SCLT1: variants seen among roughly 807,000 people sequenced by gnomAD.
SCLT1 encodes sodium channel-associated protein 1.
A neutral mutation model predicts 112.8 loss-of-function variants in SCLT1; 78 were observed. The ratio of observed to expected loss-of-function variants is 0.69; its 90% confidence interval spans 0.58 to 0.83. The LOEUF is 0.83. Ranked by LOEUF, SCLT1 falls within the 40% of genes least tolerant of loss-of-function variation. SCLT1 has a pLI of 0.00. For synonymous variants in SCLT1, 257 were observed against 254.7 expected (o/e 1.01, Z -0.09); for missense variants, 747 against 770.4 (o/e 0.97, Z 0.36).
At chr4:128,972,333 C>T (rs1189161631) in intron 9 of SCLT1, 1 of 151,460 alleles carries the variant, frequency 6.6e-6, no homozygotes, top group Non-Finnish European at 1.5e-5. Flanking sequence ...ATTGCTTGTT[C>T]TACTTGTTTC....
intron 12 of SCLT1, among the ~76,000 whole-genome samples, chr4:128,958,563 A>G (rs1739408523): frequency 6.6e-6 from 1 of 152,188 alleles, no homozygotes; most frequent in African/African-American, 2.4e-5. Flanking sequence ...TGTGCTCTAC[A>G]CAAGATGTTT....
Position 128,965,304 on chromosome 4 carries a change from C to G in SCLT1, c.792G>C (p.Val264=). The change falls in exon 11 of 21, where the codon GTG becomes GTC. Residue 264 remains valine, a synonymous_variant. Transcript: ENST00000281142. The part of the protein sequence containing the change: ...GQMKKKEKDV[V]SAHGREEASD... ...ATGCTTCCTCTCTTCCATGGGCAGACACCACATCCTTCTCCTAGAAAATAA... is the reference window on the plus strand; with the variant it reads ...ATGCTTCCTCTCTTCCATGGGCAGAGACCACATCCTTCTCCTAGAAAATAA... 3 of 1,605,902 alleles carry G rather than the reference C, an allele frequency of 1.9e-6. No homozygotes were observed. The highest frequency in any genetic ancestry group is 2.6e-6 in the Non-Finnish European group (3 of 1,172,886).
At chr4:129,060,775 T>C (rs547057816) in intron 2 of SCLT1, among the ~76,000 whole-genome samples, 1 of 152,326 alleles carries the variant, frequency 6.6e-6, no homozygotes, top group Non-Finnish European at 1.5e-5. Flanking sequence ...TGACATGGCC[T>C]ACAAGTAGCT....
chr4:129,087,796 A>C (rs1176333756), intron 1 of SCLT1, among the ~76,000 whole-genome samples: 1 of 151,512 alleles, frequency 6.6e-6, no homozygotes, highest in Admixed American at 6.6e-5. Context: ...AAAGAAAAGC[A>C]AAAAACCTTC....
chr4:128,918,533 A>C (rs72683636), intron 18 of SCLT1, among the ~76,000 whole-genome samples: 38,899 of 152,098 alleles, frequency 0.26, 5,578 homozygotes, highest in East Asian at 0.33. Flanking sequence ...GAAATATAGG[A>C]TTATGTAAAG....
intron 9 of SCLT1, among the ~76,000 whole-genome samples, chr4:128,984,304 TG>T (rs1741914294): frequency 6.6e-6 from 1 of 152,188 alleles, no homozygotes; most frequent in African/African-American, 2.4e-5. Flanking sequence ...TCCTCACTGC[TG>T]TGAATACTGT....
At chr4:129,077,767 T>C (rs887563587) in intron 2 of SCLT1, among the ~76,000 whole-genome samples, 1 of 152,154 alleles carries the variant, frequency 6.6e-6, no homozygotes, top group Non-Finnish European at 1.5e-5. Flanking sequence ...CTTCCTTTAC[T>C]GCAAAACATA....
At chr4:128,915,627 CT>C (rs1735416741) in intron 18 of SCLT1, among the ~76,000 whole-genome samples, 1 of 152,116 alleles carries the variant, frequency 6.6e-6, no homozygotes, top group African/African-American at 2.4e-5. Context: ...TTTCAAAAAG[CT>C]GAAATTCTAC....
rs567472767 is a variant in SCLT1 at position 128,963,236 on chromosome 4, A to G, written c.869+1991T>C. Among the ~76,000 whole-genome samples the G allele has an allele frequency of 1.5e-4, 23 of 152,308 alleles. No individual in the cohort carries two copies. The East Asian group carries it at 4.4e-3, about 29-fold the overall frequency. The stretch of plus-strand genomic sequence containing the variant: ...ATGCCTTTCAGTCAGACTTCATTTA[A>G]GTTTTTACTTATTTTTTAAAAACCC... On this transcript the variant is annotated intron_variant, in intron 11 of 20. Transcript: ENST00000281142.
chr4:128,957,752 C>T (rs1194511329), intron 12 of SCLT1, among the ~76,000 whole-genome samples: 3 of 152,106 alleles, frequency 2.0e-5, no homozygotes, highest in Admixed American at 6.5e-5. Context: ...AGGCTTTCAC[C>T]ACCATGATCT....
intron 10 of SCLT1, 127 bp from the exon 11 acceptor site, chr4:128,965,445 A>G (rs1208824373): frequency 1.5e-6 from 1 of 656,868 alleles, no homozygotes; most frequent in African/African-American, 1.9e-5. Context: ...ACTTACGTTA[A>G]AAGAAACAAT....
At chr4:128,890,824 T>G (rs1451267184) in intron 19 of SCLT1, among the ~76,000 whole-genome samples, 1 of 152,196 alleles carries the variant, frequency 6.6e-6, no homozygotes, top group African/African-American at 2.4e-5. Flanking sequence ...ACTACACAAG[T>G]TCTATTGGTA....
intron 9 of SCLT1, chr4:128,972,259 A>G (rs1363444075): frequency 5.3e-5 from 8 of 152,130 alleles, no homozygotes; most frequent in African/African-American, 1.9e-4. Context: ...AAAACTGAGA[A>G]AACTCTGAAA....
At position 129,093,082 on chromosome 4, in the gene SCLT1, G is replaced by C. The variant is rs748671223; in HGVS notation, c.22C>G (p.Leu8Val). MAAEIDF[L>V]REQNRRLNED... ...ACATGGAGCTTACTTTGCTCTCTCAGAAAGTCGATTTCTGCAGCCATTTCG... is the reference window on the plus strand; with the variant it reads ...ACATGGAGCTTACTTTGCTCTCTCACAAAGTCGATTTCTGCAGCCATTTCG... The change falls in exon 1 of 21, where the codon CTG becomes GTG. Residue 8 changes from leucine to valine, a missense_variant. Transcript: ENST00000281142. 3 of 1,612,496 alleles carry C rather than the reference G, an allele frequency of 1.9e-6. No individual in the cohort carries two copies. The African/African-American group carries it at 4.0e-5, about 22-fold the overall frequency.
chr4:128,986,704 C>T (rs1251805274), intron 9 of SCLT1, among the ~76,000 whole-genome samples: 1 of 152,208 alleles, frequency 6.6e-6, no homozygotes, highest in Non-Finnish European at 1.5e-5. Context: ...TAGACTCACT[C>T]TGTGCTAGAA....
intron 14 of SCLT1, 50 bp from the exon 15 acceptor site, chr4:128,948,620 GA>G (rs1738417254): frequency 7.9e-7 from 1 of 1,272,248 alleles, no homozygotes; most frequent in Non-Finnish European, 1.1e-6. Flanking sequence ...AACATCTTAA[GA>G]AAAGTGGGGA....
At chr4:129,009,414 T>G (rs572271086) in intron 5 of SCLT1, among the ~76,000 whole-genome samples, 1 of 151,582 alleles carries the variant, frequency 6.6e-6, no homozygotes, top group Non-Finnish European at 1.5e-5. Flanking sequence ...CTTGGGAGGC[T>G]GAGGCAGGAG....
Position 129,093,140 on chromosome 4 carries a change from T to C in SCLT1, c.-37A>G. On this transcript the variant is annotated 5_prime_UTR_variant, in exon 1 of 21. Coordinates refer to ENST00000281142, the MANE Select transcript of SCLT1 (RefSeq NM_144643.4). The stretch of plus-strand genomic sequence containing the variant: ...TTTAGTTTAGAGCTTTCACCACCTT[T>C]ACCTTCCTCTGAAAGACAGAGAGCT... The C allele has an allele frequency of 6.2e-7, 1 of 1,603,322 alleles. No homozygotes were observed. Among genetic ancestry groups the C allele is most frequent in the Non-Finnish European group, 8.5e-7 (1 of 1,170,200 alleles).
At chr4:128,934,118 C>A (rs1032958765) in intron 18 of SCLT1, among the ~76,000 whole-genome samples, 1 of 151,470 alleles carries the variant, frequency 6.6e-6, no homozygotes, top group African/African-American at 2.4e-5. Context: ...TATATAGTTC[C>A]AAAATTAAGC....
Sources: gnomAD v4.1 joint callset for allele counts (sites outside exome capture counted in the v4.1 genomes callset) on GRCh38, gnomAD v4.1.1 for gene constraint, MANE v1.5 for transcripts, NCBI Gene and HGNC (gene_info 2026-07-23, HGNC 2026-07-21) for gene names.